The following DONSON variants were observed in gnomAD, a reference collection of about 807,000 sequenced individuals.
DONSON encodes the protein protein downstream neighbor of Son.
Under a neutral mutation model 62.1 loss-of-function variants are expected in DONSON, and 43 were observed. The ratio of observed to expected loss-of-function variants is 0.69; its 90% confidence interval spans 0.54 to 0.89. The LOEUF (loss-of-function observed/expected upper bound fraction) is 0.89, where lower values mean the gene tolerates loss of function less well. Among genes scored for constraint, DONSON ranks in the 40% least tolerant of loss-of-function variants. The pLI is 0.00. For missense variants in DONSON, 696 were observed against 697.5 expected (o/e 1.00, Z 0.03); for synonymous variants, 266 against 264.6 (o/e 1.01, Z -0.05).
intron 8 of DONSON, 103 bp downstream of exon 8, chr21:33,581,199 T>C: frequency 1.8e-6 from 2 of 1,118,450 alleles, no homozygotes; most frequent in South Asian, 1.9e-5. Flanking sequence ...AAAATGAAAA[T>C]ATGTACCAAG....
intron 9 of DONSON, among the ~76,000 whole-genome samples, 198 bp downstream of exon 9, chr21:33,579,152 T>C (rs1013328810): frequency 6.6e-6 from 1 of 150,982 alleles, no homozygotes; most frequent in Admixed American, 6.6e-5. Flanking sequence ...AAAAAAAAAA[T>C]TGTACTTGGA....
At chr21:33,579,851 G>T (rs1020383306) in intron 8 of DONSON, among the ~76,000 whole-genome samples, 1 of 151,910 alleles carries the variant, frequency 6.6e-6, no homozygotes, top group Non-Finnish European at 1.5e-5. Context: ...GCAGACTATT[G>T]GAAAAACAAA....
Position 33,583,470 on chromosome 21 carries a change from T to C in DONSON, c.964+18A>G. On this transcript the variant is annotated intron_variant, in intron 5 of 9. Transcript: ENST00000303071. ...TACTATATAGTATAGTATTCTCACTTTAAACCTAAACTTTTACCTTCATTT... is the reference window on the plus strand; with the variant it reads ...TACTATATAGTATAGTATTCTCACTCTAAACCTAAACTTTTACCTTCATTT... 6.2e-7 allele frequency: 1 copy of C among 1,611,304 alleles called. No individual in the cohort carries two copies. Among genetic ancestry groups the C allele is most frequent in the Non-Finnish European group, 8.5e-7 (1 of 1,178,340 alleles).
intron 5 of DONSON, among the ~76,000 whole-genome samples, chr21:33,582,458 T>C (rs1196836977): frequency 6.6e-6 from 1 of 152,200 alleles, no homozygotes; most frequent in South Asian, 2.1e-4. Flanking sequence ...CATGTAACAC[T>C]CTTTCATAAA....
At chr21:33,582,137 A>G in intron 6 of DONSON, 28 bp downstream of exon 6, 1 of 1,612,028 alleles carries the variant, frequency 6.2e-7, no homozygotes, top group South Asian at 1.1e-5. Context: ...AAGTCAGTGG[A>G]TGATATAAAG....
chr21:33,587,181 G>T (rs2145908190), intron 2 of DONSON, among the ~76,000 whole-genome samples: 1 of 152,312 alleles, frequency 6.6e-6, no homozygotes, highest in East Asian at 1.9e-4. Flanking sequence ...ACCTGTGGAG[G>T]TGGGCCAGGA....
chr21:33,588,170 C>T (rs1298811471), intron 1 of DONSON, 151 bp downstream of exon 1: 1 of 582,480 alleles, frequency 1.7e-6, no homozygotes, highest in East Asian at 3.6e-5. Context: ...AATCGCGGCT[C>T]CCAGGGCGGG....
intron 2 of DONSON, 52 bp downstream of exon 2, chr21:33,587,470 G>GA: frequency 2.0e-6 from 3 of 1,499,722 alleles, no homozygotes; most frequent in Non-Finnish European, 1.8e-6. Flanking sequence ...CAAATCCTAT[G>GA]AAAAAAAAGT....
At position 33,588,334 on chromosome 21, in the gene DONSON, T is replaced by C. The variant is rs1354563775; in HGVS notation, c.308A>G (p.Glu103Gly). ...PPDGPAREQP[E>G]APVPFLDSNQ... ...CAAGACACTCACCGGGACCGGGGCC[T>C]CCGGCTGCTCGCGGGCCGGCCCGTC... is the stretch of plus-strand genomic sequence containing the variant. The change falls in exon 1 of 10, where the codon GAG (glutamate) becomes GGG (glycine). Residue 103 changes from glutamate (E) to glycine (G), a missense_variant. Coordinates refer to ENST00000303071, the MANE Select transcript of DONSON (RefSeq NM_017613.4). 4 of 1,292,890 alleles carry C rather than the reference T, an allele frequency of 3.1e-6. No homozygotes were observed. Among genetic ancestry groups the C allele is most frequent in the South Asian group, 2.8e-5 (1 of 35,434 alleles). 80.1% of individuals were successfully genotyped at this position (1,292,890 alleles called of 1,614,324 possible).
At position 33,578,244 on chromosome 21, in the gene DONSON, T is replaced by A. The variant is rs933815661; in HGVS notation, c.*63A>T. On this transcript the variant is annotated 3_prime_UTR_variant, in exon 10 of 10. Transcript: ENST00000303071. The stretch of plus-strand genomic sequence containing the variant: ...CAGTATATTCCTTCAACTTCAAGAA[T>A]CTTGAATTTCCTTGCTAGAAGGCTT... 6.5e-7 allele frequency: 1 copy of A among 1,544,272 alleles called. No homozygotes were observed. The highest frequency in any genetic ancestry group is 1.4e-5 in the African/African-American group (1 of 72,708).
chr21:33,585,368 C>T (rs1212292294), intron 3 of DONSON, among the ~76,000 whole-genome samples: 1 of 151,196 alleles, frequency 6.6e-6, no homozygotes, highest in African/African-American at 2.4e-5. Flanking sequence ...CTACAGGCAC[C>T]CACCACCATG....
At position 33,588,471 on chromosome 21, in the gene DONSON, A is replaced by C. The variant is rs1198540732; in HGVS notation, c.171T>G (p.Pro57=). ...AALVAGLPLR[P]FPAAGGRGGG... ...CGCCTCTGCCCCCCGCAGCAGGGAA[A>C]GGGCGAAGAGGCAGCCCCGCCACCA... Residue 57 remains proline, a synonymous_variant, in exon 1 of 10, where the codon CCT becomes CCG. Transcript: ENST00000303071. 2.3e-6 allele frequency: 3 copies of C among 1,276,742 alleles called. No individual in the cohort carries two copies. The highest frequency in any genetic ancestry group is 3.1e-5 in the African/African-American group (2 of 64,398). The allele number at this position is 1,276,742 out of a possible 1,614,324, so 79.1% of individuals were successfully genotyped here.
Position 33,588,325 on chromosome 21 carries a change from AC to A in DONSON, c.316del (p.Val106SerfsTer4). 1 of 1,288,444 alleles carries A rather than the reference AC, an allele frequency of 7.8e-7. No individual in the cohort carries two copies. 79.8% of individuals were successfully genotyped at this position (1,288,444 alleles called of 1,614,324 possible). A position where few individuals can be genotyped will look rare whatever the true frequency, so the allele number is the denominator to read the frequency against. ...GPAREQPEAP[V>X]PFLDSNQEND... is the part of the protein sequence containing the mutation. ...GCCAGGCTACAAGACACTCACCGGG[AC>A]CGGGGCCTCCGGCTGCTCGCGGGCC... On this transcript the variant is annotated frameshift_variant, in exon 1 of 10. Coordinates refer to ENST00000303071, the MANE Select transcript of DONSON (RefSeq NM_017613.4). LOFTEE classifies it high-confidence loss of function.
chr21:33,578,588 G>T, intron 9 of DONSON, 144 bp from the exon 10 acceptor site: 1 of 946,906 alleles, frequency 1.1e-6, no homozygotes, highest in Non-Finnish European at 1.5e-6. Context: ...AAGAATTTTT[G>T]TAGTGACAAA....
At chr21:33,586,205 A>C (rs1307389675) in intron 2 of DONSON, 24 bp from the exon 3 acceptor site, 1 of 1,604,972 alleles carries the variant, frequency 6.2e-7, no homozygotes, top group South Asian at 1.1e-5. Flanking sequence ...AGAATGCAAA[A>C]ATTAGTCGAG....
At position 33,588,568 on chromosome 21, in the gene DONSON, C is replaced by T. The variant is rs1202690599; in HGVS notation, c.74G>A (p.Arg25Lys). ...PPEVVRLRRK[R>K]ARSRGAAASP... The stretch of plus-strand genomic sequence containing the variant: ...GGCGGCAGCTCCACGGCTCCGGGCC[C>T]TTTTCCGTCGGAGCCGCACTACCTC... Residue 25 changes from arginine to lysine, a missense_variant, in exon 1 of 10, where the codon AGG becomes AAG. Transcript: ENST00000303071. The T allele has an allele frequency of 1.4e-5, 17 of 1,254,270 alleles. No homozygotes were observed. The highest frequency in any genetic ancestry group is 1.6e-5 in the Non-Finnish European group (16 of 999,108). The allele number at this position is 1,254,270 out of a possible 1,614,324, so 77.7% of individuals were successfully genotyped here.
chr21:33,582,316 G>A (rs2086522059), intron 5 of DONSON, 70 bp from the exon 6 acceptor site: 1 of 1,286,108 alleles, frequency 7.8e-7, no homozygotes. Context: ...TACTTTTAGA[G>A]TGTAAAAAAT....
rs2086606919 is a variant in DONSON at position 33,588,415 on chromosome 21, C to T, written c.227G>A (p.Arg76Gln). The T allele has an allele frequency of 7.6e-7, 1 of 1,308,050 alleles. No homozygotes were observed. Among genetic ancestry groups the T allele is most frequent in the Non-Finnish European group, 9.7e-7 (1 of 1,029,546 alleles). 81.0% of individuals were successfully genotyped at this position (1,308,050 alleles called of 1,614,324 possible). The change falls in exon 1 of 10, where the codon CGG becomes CAG. Residue 76 changes from arginine to glutamine, a missense_variant. Physicochemically the swap from Arg to Gln is conservative, Grantham distance 43. Transcript: ENST00000303071. ...GTCCAGGCGGGCGAAGGGGTTCCTC[C>T]GAGCAGCGGCCGGGCCGCCGCCGCT... Reference protein sequence around the residue: ...GGSGGGPAAARRNPFARLDNR... With the variant: ...GGSGGGPAAAQRNPFARLDNR...
chr21:33,578,330 A>T lies in DONSON; in HGVS notation c.1678T>A (p.Tyr560Asn). 6.2e-7 allele frequency: 1 copy of T among 1,613,808 alleles called. No individual in the cohort carries two copies. Among genetic ancestry groups the T allele is most frequent in the African/African-American group, 1.3e-5 (1 of 75,042 alleles). The change falls in exon 10 of 10, where the codon TAC becomes AAC. Residue 560 changes from tyrosine to asparagine, a missense_variant. Coordinates refer to ENST00000303071, the MANE Select transcript of DONSON (RefSeq NM_017613.4). ...GTTCAGGATCTCCAATTATAAATGT[A>T]GTCTCTCAGCACCACATTCCGTAAA... is the stretch of plus-strand genomic sequence containing the variant. ...SSLRNVVLRD[Y>N]IYNWRS
Sources: allele counts gnomAD v4.1 joint callset (sites outside exome capture counted in the v4.1 genomes callset), GRCh38; gene constraint gnomAD v4.1.1; transcripts MANE v1.5; gene names NCBI Gene and HGNC (gene_info 2026-07-23, HGNC 2026-07-21).